MYLK3: variants seen among roughly 807,000 people sequenced by gnomAD.
The protein encoded by MYLK3 is myosin light chain kinase 3.
MYLK3 carries 55 observed loss-of-function variants against 76.3 expected under a neutral mutation model. That is an observed-to-expected ratio of 0.72 (90% confidence interval 0.58 to 0.90). The LOEUF is 0.90. Ranked by LOEUF, MYLK3 falls within the 40% of genes least tolerant of loss-of-function variation. The pLI, the probability that MYLK3 is intolerant of heterozygous loss-of-function variation, is 0.00. For missense variants in MYLK3, 973 were observed against 1,053.6 expected, an observed-to-expected ratio of 0.92 and a Z score of 1.06; for synonymous variants, 416 against 425.4, an observed-to-expected ratio of 0.98 and a Z score of 0.27.
At chr16:46,756,854 C>T (rs569499091) in intron 1 of MYLK3, among the ~76,000 whole-genome samples, 3 of 152,156 alleles carry the variant, frequency 2.0e-5, no homozygotes, top group Middle Eastern at 6.3e-3. Flanking sequence ...GGTAAGTCCA[C>T]GAAAATGGCA....
At chr16:46,709,771 T>C (rs1966664459) in intron 11 of MYLK3, 100 bp from the exon 12 acceptor site, 1 of 1,332,826 alleles carries the variant, frequency 7.5e-7, no homozygotes, top group African/African-American at 1.5e-5. Context: ...GTGGAACAGA[T>C]TAATCATTTA....
chr16:46,747,961 GC>G lies in MYLK3; in HGVS notation c.232del (p.Ala78LeufsTer20). The G allele has an allele frequency of 6.2e-7, 1 of 1,613,086 alleles. No individual in the cohort carries two copies. Among genetic ancestry groups the G allele is most frequent in the Non-Finnish European group, 8.5e-7 (1 of 1,179,800 alleles). ...GGTGTCAATGTGGGGAACCCCATCA[GC>G]CCCGCCCGGGCCCGGTGCCCGGGAG... ...EASRAPGPGG[A>X]DGVPHIDTQA... On this transcript the variant is annotated frameshift_variant, in exon 1 of 13. Coordinates refer to ENST00000394809, the MANE Select transcript of MYLK3 (RefSeq NM_182493.3). LOFTEE classifies it high-confidence loss of function.
intron 1 of MYLK3, among the ~76,000 whole-genome samples, chr16:46,742,542 G>C (rs1318274076): frequency 6.6e-6 from 1 of 151,360 alleles, no homozygotes; most frequent in Admixed American, 6.6e-5. Context: ...GCAAAACTCG[G>C]CTAGGGCAGT....
intron 9 of MYLK3, among the ~76,000 whole-genome samples, chr16:46,714,969 T>C (rs764920385): frequency 2.0e-5 from 3 of 152,146 alleles, no homozygotes; most frequent in Non-Finnish European, 4.4e-5. Context: ...GTGGTGTAGA[T>C]ACCAATTTCA....
chr16:46,733,453 G>A (rs576895048), intron 3 of MYLK3, among the ~76,000 whole-genome samples: 7 of 152,284 alleles, frequency 4.6e-5, no homozygotes, highest in Middle Eastern at 3.4e-3. Context: ...CTGGGCCCAC[G>A]TGCCCACATG....
chr16:46,719,824 C>T (rs1000234971), intron 9 of MYLK3, among the ~76,000 whole-genome samples: 1 of 152,142 alleles, frequency 6.6e-6, no homozygotes, highest in Non-Finnish European at 1.5e-5. Context: ...GGCTACACAG[C>T]AACATTAGCC....
At chr16:46,761,265 TGGGACC>T (rs1477978048) in intron 1 of MYLK3, among the ~76,000 whole-genome samples, 1 of 152,060 alleles carries the variant, frequency 6.6e-6, no homozygotes, top group Non-Finnish European at 1.5e-5. Flanking sequence ...GCCCAGCAGG[TGGGACC>T]CTTAAGACAG....
Position 46,703,050 on chromosome 16 carries a change from G to A in MYLK3, c.*4654C>T. Among the ~76,000 whole-genome samples, 1 of 151,018 alleles carries A rather than the reference G, an allele frequency of 6.6e-6. No homozygotes were observed. The highest frequency in any genetic ancestry group is 2.1e-4 in the South Asian group (1 of 4,794). On this transcript the variant is annotated 3_prime_UTR_variant, in exon 13 of 13. Coordinates refer to ENST00000394809, the MANE Select transcript of MYLK3 (RefSeq NM_182493.3). The stretch of plus-strand genomic sequence containing the variant: ...AATCACCCACTTTTCACACTCCACT[G>A]TTAAGTTTCTTGCATATCCTACGGT...
intron 9 of MYLK3, among the ~76,000 whole-genome samples, chr16:46,720,718 G>A (rs142125343): frequency 6.6e-5 from 10 of 152,228 alleles, no homozygotes; most frequent in African/African-American, 2.2e-4. Context: ...CTCACTTTTT[G>A]TATTTAATCT....
chr16:46,717,562 A>C (rs1966756483), intron 9 of MYLK3, among the ~76,000 whole-genome samples: 1 of 151,002 alleles, frequency 6.6e-6, no homozygotes, highest in South Asian at 2.1e-4. Flanking sequence ...CACGGCATGC[A>C]CCCTGTTCTC....
chr16:46,728,325 G>C (rs1966846318), intron 7 of MYLK3, among the ~76,000 whole-genome samples: 1 of 152,120 alleles, frequency 6.6e-6, no homozygotes, highest in Non-Finnish European at 1.5e-5. Flanking sequence ...TGGAAAGGCA[G>C]GCCCGGCATT....
intron 7 of MYLK3, among the ~76,000 whole-genome samples, chr16:46,728,244 G>A (rs1966846212): frequency 6.6e-6 from 1 of 152,176 alleles, no homozygotes; most frequent in African/African-American, 2.4e-5. Context: ...GGTGGGGATT[G>A]TGGCAAAGGA....
Position 46,737,875 on chromosome 16 carries a change from C to T in MYLK3, c.837G>A (p.Glu279=). 1 of 1,614,160 alleles carries T rather than the reference C, an allele frequency of 6.2e-7. No homozygotes were observed. Among genetic ancestry groups the T allele is most frequent in the Non-Finnish European group, 8.5e-7 (1 of 1,180,028 alleles). ...CTCCTTGTCCTGCACCTGGTGCAAC[C>T]TCCAGGCTCGGGGAGACCACATTGA... ...GRVNVVSPSL[E]VAPGAGQGAS... Residue 279 remains glutamate (E), a synonymous_variant, in exon 3 of 13, where the codon GAG becomes GAA. Coordinates refer to ENST00000394809, the MANE Select transcript of MYLK3 (RefSeq NM_182493.3).
chr16:46,712,672 C>T lies in MYLK3; in HGVS notation c.2090G>A (p.Ser697Asn). 6.4e-7 allele frequency: 1 copy of T among 1,574,130 alleles called. No individual in the cohort carries two copies. Among genetic ancestry groups the T allele is most frequent in the Non-Finnish European group, 8.6e-7 (1 of 1,159,560 alleles). The change falls in exon 10 of 13, where the codon AGT becomes AAT. Residue 697 changes from serine (S) to asparagine (N), a missense_variant. Physicochemically the swap from Ser to Asn is conservative, Grantham distance 46. Coordinates refer to ENST00000394809, the MANE Select transcript of MYLK3 (RefSeq NM_182493.3). ...CAGCATGTAGGTGATGACTCCCACA[C>T]TCCACATGTCTGTGGGGAATGAGAC... is the stretch of plus-strand genomic sequence containing the variant. ...EFVSFPTDMW[S>N]VGVITYMLLS...
chr16:46,727,343 C>T lies in MYLK3; in HGVS notation c.1807G>A (p.Asp603Asn). The T allele has an allele frequency of 6.2e-7, 1 of 1,613,510 alleles. No homozygotes were observed. Among genetic ancestry groups the T allele is most frequent in the African/African-American group, 1.3e-5 (1 of 75,046 alleles). Residue 603 changes from aspartate (D) to asparagine (N), a missense_variant, in exon 8 of 13, where the codon GAT becomes AAT. Physicochemically the swap from Asp to Asn is conservative, Grantham distance 23. Around this residue, in one of 2 missense-constraint regions of MYLK3, gnomAD observed 332 missense variants for 416.6 expected, o/e 0.80. Transcript: ENST00000394809. ...AGCTCAGTCAGGTGGTACTTCTCAT[C>T]TGTGATCCGGTCGAAGAGCTCACCC... ...DGGELFDRIT[D>N]EKYHLTELDV...
chr16:46,744,163 G>C lies in MYLK3; in HGVS notation c.477+3554C>G, dbSNP rs1966979409. ...TTCTTCTGCCTCAGCCTCCCGGGTA[G>C]CTAGGACTACAAGTGCACGCCACCA... On this transcript the variant is annotated intron_variant, in intron 1 of 12. Coordinates refer to ENST00000394809, the MANE Select transcript of MYLK3 (RefSeq NM_182493.3). Among the ~76,000 whole-genome samples, 3 of 151,806 alleles carry C rather than the reference G, an allele frequency of 2.0e-5. No homozygotes were observed. The South Asian group carries it at 6.2e-4, about 31-fold the overall frequency.
chr16:46,754,618 A>T (rs943158325), intron 1 of MYLK3, among the ~76,000 whole-genome samples: 15 of 152,190 alleles, frequency 9.9e-5, no homozygotes, highest in African/African-American at 3.6e-4. Flanking sequence ...CAGCCCCTCA[A>T]CCTTGGACTT....
intron 2 of MYLK3, 75 bp downstream of exon 2, chr16:46,739,982 G>A: frequency 2.9e-6 from 3 of 1,034,450 alleles, no homozygotes; most frequent in Non-Finnish European, 2.9e-6. Flanking sequence ...CATACTGTGG[G>A]CCGTGTTGTT....
In MYLK3 at chr16:46,702,497, TA is replaced by T. The variant is rs1191197999; in HGVS notation, c.*5206del. ...TTGCCAATATCACACCTCACAAAAT[TA>T]ATAGTAACTATCATCAAATGTGAAA... On this transcript the variant is annotated 3_prime_UTR_variant, in exon 13 of 13. Coordinates refer to ENST00000394809, the MANE Select transcript of MYLK3 (RefSeq NM_182493.3). 6.6e-6 allele frequency among the ~76,000 whole-genome samples: 1 copy of T among 152,218 alleles called. No homozygotes were observed. The highest frequency in any genetic ancestry group is 1.5e-5 in the Non-Finnish European group (1 of 68,028).
Sources: allele counts gnomAD v4.1 joint callset (sites outside exome capture counted in the v4.1 genomes callset), GRCh38; gene constraint gnomAD v4.1.1; regional missense constraint gnomAD v4.1.1; transcripts MANE v1.5; gene names NCBI Gene and HGNC (gene_info 2026-07-23, HGNC 2026-07-21).